Variants in NEB observed in about 807,000 individuals in gnomAD.
NEB encodes nemaline myopathy type 2.
In NEB, 512 loss-of-function variants were observed where a neutral mutation model predicts 952.2. The ratio of observed to expected loss-of-function variants is 0.54; its 90% confidence interval spans 0.50 to 0.58. The LOEUF is 0.58. Among genes scored for constraint, NEB ranks in the 20% least tolerant of loss-of-function variants. NEB has a pLI of 0.00. For synonymous variants in NEB, 2,900 were observed against 3,149.8 expected (o/e 0.92, Z 2.66); for missense variants, 8,428 against 9,231.1 (o/e 0.91, Z 3.56).
intron 81 of NEB, 21 bp downstream of exon 81, chr2:151,609,788 C>T (rs1446978661): frequency 6.5e-7 from 1 of 1,547,104 alleles, no homozygotes; most frequent in South Asian, 1.3e-5. Context: ...TTCCCCCTTT[C>T]CCAAAATTCA....
At chr2:151,519,321 C>T (rs910520277) in intron 154 of NEB, among the ~76,000 whole-genome samples, 4 of 152,130 alleles carry the variant, frequency 2.6e-5, no homozygotes, top group Admixed American at 2.0e-4. Context: ...CTGATATATC[C>T]TACAACATGG....
intron 36 of NEB, among the ~76,000 whole-genome samples, chr2:151,673,413 G>T (rs1308202766): frequency 1.3e-5 from 2 of 149,434 alleles, no homozygotes; most frequent in Non-Finnish European, 3.0e-5. Flanking sequence ...TTTCTAACAT[G>T]TGAAAAATCA....
chr2:151,647,853 T>C (rs989282878), intron 54 of NEB, among the ~76,000 whole-genome samples: 8 of 152,208 alleles, frequency 5.3e-5, no homozygotes, highest in African/African-American at 1.9e-4. Flanking sequence ...TTTCTTTTCT[T>C]ATAAAGGATA....
chr2:151,524,654 C>CT (rs5835371), intron 151 of NEB, 38 bp from the exon 152 acceptor site: 5,191 of 256,498 alleles, frequency 0.02, 155 homozygotes, highest in South Asian at 0.033. Flanking sequence ...AAGAGAGAGG[C>CT]TTTTTTTTTT....
intron 96 of NEB, 130 bp downstream of exon 96, chr2:151,591,217 AT>A: frequency 2.9e-6 from 2 of 687,330 alleles, no homozygotes; most frequent in Non-Finnish European, 5.4e-6. Flanking sequence ...TTGTTCTTGA[AT>A]TTAGGATTTA....
At chr2:151,534,475 C>A (rs1193608584) in intron 142 of NEB, among the ~76,000 whole-genome samples, 3 of 152,124 alleles carry the variant, frequency 2.0e-5, no homozygotes, top group Non-Finnish European at 2.9e-5. Context: ...CAAAGAGAGT[C>A]AAGTGGAGGA....
rs1251538310 is a variant in NEB, at chr2:151,687,532, C to T, written c.2524G>A (p.Val842Met). The change falls in exon 27 of 182, where the codon GTG becomes ATG. Residue 842 changes from valine (V) to methionine (M), a missense_variant and splice_region_variant. Transcript: ENST00000397345. ...AKANTKNTSD[V>M]MYKKDYEKSK... Reference sequence around the variant, plus strand: ...TTTTCATAGTCTTTCTTGTACATCACCTGCAAAGACATCACACATGCCAGA... The same window carrying T: ...TTTTCATAGTCTTTCTTGTACATCATCTGCAAAGACATCACACATGCCAGA... 1.2e-6 allele frequency: 2 copies of T among 1,613,070 alleles called. No homozygotes were observed. Among genetic ancestry groups the T allele is most frequent in the Admixed American group, 1.7e-5 (1 of 60,006 alleles).
intron 73 of NEB, among the ~76,000 whole-genome samples, chr2:151,619,242 GATA>G (rs1461632280): frequency 6.6e-6 from 1 of 152,170 alleles, no homozygotes; most frequent in Non-Finnish European, 1.5e-5. Flanking sequence ...GTTTAGAACT[GATA>G]ATATTTACTT....
At chr2:151,673,751 T>C (rs916566224) in intron 36 of NEB, among the ~76,000 whole-genome samples, 1 of 104,282 alleles carries the variant, frequency 9.6e-6, no homozygotes, top group Non-Finnish European at 2.2e-5. Flanking sequence ...TTTTTTTTTT[T>C]GAGATGGAGT....
At chr2:151,534,936 C>T (rs1256446669) in intron 142 of NEB, among the ~76,000 whole-genome samples, 1 of 152,092 alleles carries the variant, frequency 6.6e-6, no homozygotes, top group African/African-American at 2.4e-5. Context: ...GTAAATATAC[C>T]ATTGGCTATA....
intron 77 of NEB, among the ~76,000 whole-genome samples, chr2:151,612,799 GA>G (rs2098039788): frequency 6.6e-6 from 1 of 152,166 alleles, no homozygotes; most frequent in African/African-American, 2.4e-5. Flanking sequence ...ATATAGAGAA[GA>G]AATGAGCATT....
chr2:151,528,939 C>T (rs1044474896), intron 146 of NEB, among the ~76,000 whole-genome samples: 2 of 152,194 alleles, frequency 1.3e-5, no homozygotes, highest in East Asian at 1.9e-4. Context: ...CAGAATTAAA[C>T]GTCCCATTTC....
chr2:151,491,614 ATGAAAGTCATT>A lies in NEB; in HGVS notation c.25150+58_25150+68del, dbSNP rs1205670535. 13 of 1,298,860 alleles carry A rather than the reference ATGAAAGTCATT, an allele frequency of 1.0e-5. No homozygotes were observed. The East Asian group carries it at 3.3e-4, about 33-fold the overall frequency. The allele number at this position is 1,298,860 out of a possible 1,614,324, so 80.5% of individuals were successfully genotyped here. ...GGAGGGAAGGAACTTCAGAGCCCAAATGAAAGTCATTGACTCTAGCATACTAAATGGTGATG... is the reference window on the plus strand; with the variant it reads ...GGAGGGAAGGAACTTCAGAGCCCAAAGACTCTAGCATACTAAATGGTGATG... On this transcript the variant is annotated intron_variant, in intron 179 of 181. Coordinates refer to ENST00000397345, the MANE Select transcript of NEB (RefSeq NM_001164508.2).
At position 151,723,491 on chromosome 2, in the gene NEB, A is replaced by G. The variant is rs1001581299; in HGVS notation, c.613-5T>C. On this transcript the variant is annotated splice_region_variant and splice_polypyrimidine_tract_variant and intron_variant, in intron 8 of 181. Transcript: ENST00000397345. ...CCAGTCTTCAGTGTACAGTTTCTAA[A>G]TCAAAAAAGAGTGAAAAGTTAGGAG... The G allele has an allele frequency of 3.1e-6, 5 of 1,591,200 alleles. No individual in the cohort carries two copies. The Admixed American group carries it at 8.7e-5, about 28-fold the overall frequency.
In NEB at chr2:151,668,333, T is replaced by C. The variant is rs753993227; in HGVS notation, c.4612-422A>G. Among the ~76,000 whole-genome samples, 4 of 152,292 alleles carry C rather than the reference T, an allele frequency of 2.6e-5. No individual in the cohort carries two copies. In the East Asian group the frequency reaches 7.7e-4, roughly 29 times the overall value. The stretch of plus-strand genomic sequence containing the variant: ...AATACTAAAACTAAAAATCCAGATG[T>C]AGTACAACTCAGCTTTAATTGATCT... On this transcript the variant is annotated intron_variant, in intron 39 of 181. Transcript: ENST00000397345.
chr2:151,728,199 T>C (rs1186204146), intron 4 of NEB, among the ~76,000 whole-genome samples: 1 of 152,120 alleles, frequency 6.6e-6, no homozygotes, highest in Non-Finnish European at 1.5e-5. Context: ...CACTTCAAAG[T>C]AGTGGGGGGG....
intron 105 of NEB, 150 bp from the exon 106 acceptor site, chr2:151,576,504 ATATATATATATATTTTTTTTTTTTTTT>A (rs1352835948): frequency 3.5e-4 from 13 of 37,334 alleles, no homozygotes; most frequent in African/African-American, 1.3e-3. Context: ...ATATATATAT[ATATATATATATATTTTTTTTTTTTTTT>A]TTTTTTTTTT....
intron 180 of NEB, 24 bp from the exon 181 acceptor site, chr2:151,490,101 T>G: frequency 6.5e-7 from 1 of 1,548,164 alleles, no homozygotes; most frequent in Non-Finnish European, 8.9e-7. Flanking sequence ...GGCAAATTCT[T>G]TATAAGAAGA....
Position 151,644,027 on chromosome 2 carries a change from T to C in NEB, c.7747A>G (p.Ile2583Val). ...TTCTTGTACTCCCTGTCACTCTGGA[T>C]CTTGGCCACATGCATGGACCACATC... ...KMMWSMHVAK[I>V]QSDREYKKDF... is the part of the protein sequence containing the mutation. The change falls in exon 57 of 182, where the codon ATC (isoleucine) becomes GTC (valine). Residue 2583 changes from isoleucine to valine, a missense_variant. Transcript: ENST00000397345. 1 of 1,613,984 alleles carries C rather than the reference T, an allele frequency of 6.2e-7. No homozygotes were observed. The highest frequency in any genetic ancestry group is 1.1e-5 in the South Asian group (1 of 91,090).
Sources: gnomAD v4.1 joint callset for allele counts (sites outside exome capture counted in the v4.1 genomes callset) on GRCh38, gnomAD v4.1.1 for gene constraint, MANE v1.5 for transcripts, NCBI Gene and HGNC (gene_info 2026-07-23, HGNC 2026-07-21) for gene names.